MAPK3: variants seen among roughly 807,000 people sequenced by gnomAD.
The protein encoded by MAPK3 is MAPK 1.
MAPK3 carries 30 observed loss-of-function variants against 41.8 expected under a neutral mutation model. That is an observed-to-expected ratio of 0.72 (90% CI 0.54 to 0.97). The LOEUF (loss-of-function observed/expected upper bound fraction) is 0.97, where lower values mean the gene tolerates loss of function less well. Among genes scored for constraint, MAPK3 ranks in the 50% least tolerant of loss-of-function variants. The pLI is 0.00. For synonymous variants in MAPK3, 222 were observed against 213.4 expected, an observed-to-expected ratio of 1.04 and a Z score of -0.35; for missense variants, 413 against 509.9, an observed-to-expected ratio of 0.81 and a Z score of 1.83.
chr16:30,122,288 C>T (rs757610007), intron 1 of MAPK3: 7 of 494,620 alleles, frequency 1.4e-5, no homozygotes, highest in Non-Finnish European at 2.2e-5. Flanking sequence ...TGGCCCTGAA[C>T]CCTTCGCCCC....
At chr16:30,122,234 A>G (rs2073023874) in intron 1 of MAPK3, 2 of 582,832 alleles carry the variant, frequency 3.4e-6, no homozygotes, top group Non-Finnish European at 6.1e-6. Context: ...GAAGAGACTG[A>G]CCGCTCACTG....
Position 30,116,850 on chromosome 16 carries a change from T to G in MAPK3, c.1017+44A>C, listed in dbSNP as rs554122766. The G allele has an allele frequency of 5.0e-6, 8 of 1,613,286 alleles. No homozygotes were observed. The African/African-American group carries it at 9.3e-5, about 19-fold the overall frequency. ...CATGGGGGATGCCTACGTGCCCCCC[T>G]GCTCCCCTGCCCCCAGCCCCACTGC... On this transcript the variant is annotated intron_variant, in intron 7 of 8. Transcript: ENST00000263025.
In MAPK3 at chr16:30,116,932, G is replaced by A. The variant is rs766518304; in HGVS notation, c.979C>T (p.His327Tyr). 94 of 1,613,760 alleles carry A rather than the reference G, an allele frequency of 5.8e-5. No homozygotes were observed. Among genetic ancestry groups the A allele is most frequent in the Non-Finnish European group, 7.8e-5 (92 of 1,179,920 alleles). ...TCATAGTACTGCTCCAGGTAGGGGT[G>A]AGCCAGCGCTTCCTCCACTGTGATC... Reference protein sequence around the residue: ...KRITVEEALAHPYLEQYYDPT... With the variant: ...KRITVEEALAYPYLEQYYDPT... Residue 327 changes from histidine (H) to tyrosine (Y), a missense_variant, in exon 7 of 9, where the codon CAC (histidine) becomes TAC (tyrosine). His to Tyr is a moderately conservative substitution (Grantham distance 83). Coordinates refer to ENST00000263025, the MANE Select transcript of MAPK3 (RefSeq NM_002746.3).
chr16:30,118,556 G>A lies in MAPK3; in HGVS notation c.354-18C>T. 1.9e-6 allele frequency: 3 copies of A among 1,603,594 alleles called. No homozygotes were observed. The highest frequency in any genetic ancestry group is 1.3e-5 in the African/African-American group (1 of 74,790). On this transcript the variant is annotated intron_variant, in intron 2 of 8. Transcript: ENST00000263025. ...CAATGTAGCTGAGGATGGTTCCGCA[G>A]ACCCCCCCAGGCAGGGGGCAGTGGG...
chr16:30,120,808 C>T (rs2073008622), intron 2 of MAPK3, among the ~76,000 whole-genome samples: 1 of 151,506 alleles, frequency 6.6e-6, no homozygotes. Context: ...CTCAGCCTCC[C>T]AAGTAGCTGG....
Position 30,118,457 on chromosome 16 carries a change from G to T in MAPK3, c.435C>A (p.Tyr145Ter). 1 of 1,614,072 alleles carries T rather than the reference G, an allele frequency of 6.2e-7. No individual in the cohort carries two copies. The highest frequency in any genetic ancestry group is 8.5e-7 in the Non-Finnish European group (1 of 1,179,980). The change falls in exon 3 of 9, where the codon TAC becomes TAA. Residue 145 changes from tyrosine (Y) to a stop codon, truncating the protein, a stop_gained. Transcript: ENST00000263025. LOFTEE classifies it high-confidence loss of function. ...SQQLSNDHICYFLYQILRGLK... is the reference protein window; with the variant it reads ...SQQLSNDHIC ...GGCCCCGCAGGATCTGGTAGAGGAAGTAGCAGATATGGTCATTGCTCAGCT... is the reference window on the plus strand; with the variant it reads ...GGCCCCGCAGGATCTGGTAGAGGAATTAGCAGATATGGTCATTGCTCAGCT...
intron 3 of MAPK3, 79 bp downstream of exon 3, chr16:30,118,270 C>T (rs1450984929): frequency 1.3e-5 from 20 of 1,573,772 alleles, no homozygotes; most frequent in Non-Finnish European, 1.7e-5. Flanking sequence ...GCAATGTTCT[C>T]CTGCCCAAGG....
intron 2 of MAPK3, among the ~76,000 whole-genome samples, chr16:30,121,498 G>A (rs1409585422): frequency 5.3e-5 from 8 of 152,206 alleles, no homozygotes; most frequent in Admixed American, 5.2e-4. Flanking sequence ...AGAAGTGACT[G>A]TGGGCAGAGG....
intron 1 of MAPK3, chr16:30,122,772 C>T (rs1257256179): frequency 5.6e-6 from 2 of 355,570 alleles, no homozygotes; most frequent in Non-Finnish European, 1.0e-5. Context: ...CCCGCGGGCC[C>T]CCACATGCAC....
rs760710625 is a variant in MAPK3, at chr16:30,121,899, A to T, written c.278T>A (p.Leu93Gln). The T allele has an allele frequency of 6.2e-6, 10 of 1,614,190 alleles. No individual in the cohort carries two copies. The highest frequency in any genetic ancestry group is 6.8e-6 in the Non-Finnish European group (8 of 1,180,028). Reference sequence around the variant, plus strand: ...GATGACATTCTCATGGCGGAAGCGCAGCAGGATCTGGATCTCCCGGAGCGT... The same window carrying T: ...GATGACATTCTCATGGCGGAAGCGCTGCAGGATCTGGATCTCCCGGAGCGT... ...QRTLREIQIL[L>Q]RFRHENVIGI... Residue 93 changes from leucine to glutamine, a missense_variant, in exon 2 of 9, where the codon CTG (leucine) becomes CAG (glutamine). Transcript: ENST00000263025.
At position 30,123,188 on chromosome 16, in the gene MAPK3, C is replaced by T. The variant is rs1275164140; in HGVS notation, c.22G>A (p.Gly8Arg). MAAAAAQ[G>R]GGGGEPRRTE... ...CTACGGGGCTCCCCGCCCCCGCCCC[C>T]CTGAGCCGCCGCCGCCGCCATCTCC... The change falls in exon 1 of 9, where the codon GGG becomes AGG. Residue 8 changes from glycine (G) to arginine (R), a missense_variant. Gly to Arg is a moderately radical substitution (Grantham distance 125, BLOSUM62 -2). Coordinates refer to ENST00000263025, the MANE Select transcript of MAPK3 (RefSeq NM_002746.3). 4.5e-6 allele frequency: 6 copies of T among 1,319,054 alleles called. No individual in the cohort carries two copies. In the East Asian group the frequency reaches 9.2e-5, roughly 20 times the overall value. The allele number at this position is 1,319,054 out of a possible 1,614,324, so 81.7% of individuals were successfully genotyped here.
chr16:30,119,602 G>C (rs1203586602), intron 2 of MAPK3, among the ~76,000 whole-genome samples: 2 of 152,110 alleles, frequency 1.3e-5, no homozygotes, highest in African/African-American at 4.8e-5. Context: ...AGTTAAATGA[G>C]ATAATGTATG....
rs1472294951 is a variant in MAPK3, at chr16:30,116,992, G to T, written c.919C>A (p.Leu307Met). 1.9e-6 allele frequency: 3 copies of T among 1,605,368 alleles called. No individual in the cohort carries two copies. The highest frequency in any genetic ancestry group is 2.6e-6 in the Non-Finnish European group (3 of 1,175,002). ...GGGTTAAAGGTTAACATCCGGTCCA[G>T]CAGGTCAAGGGCTATGGAAGGGCAG... ...PKSDSKALDLLDRMLTFNPNK... is the reference protein window; with the variant it reads ...PKSDSKALDLMDRMLTFNPNK... Residue 307 changes from leucine (L) to methionine (M), a missense_variant, in exon 7 of 9, where the codon CTG becomes ATG. Around this residue, in one of 4 missense-constraint regions of MAPK3, gnomAD observed 123 missense variants for 147.8 expected, o/e 0.83. Coordinates refer to ENST00000263025, the MANE Select transcript of MAPK3 (RefSeq NM_002746.3).
chr16:30,117,889 G>A (rs2072974365), intron 4 of MAPK3, 105 bp from the exon 5 acceptor site: 2 of 1,099,670 alleles, frequency 1.8e-6, no homozygotes, highest in Admixed American at 1.9e-5. Flanking sequence ...CAGGCAGAAG[G>A]CAGAGGCCTG....
rs1031507615 is a variant in MAPK3, at chr16:30,123,171, C to G, written c.39G>C (p.Glu13Asp). The G allele has an allele frequency of 2.2e-6, 3 of 1,389,222 alleles. No homozygotes were observed. Among genetic ancestry groups the G allele is most frequent in the African/African-American group, 1.5e-5 (1 of 66,548 alleles). The allele number at this position is 1,389,222 out of a possible 1,614,324, so 86.1% of individuals were successfully genotyped here. A position where few individuals can be genotyped will look rare whatever the true frequency, so the allele number is the denominator to read the frequency against. Residue 13 changes from glutamate (E) to aspartate (D), a missense_variant, in exon 1 of 9, where the codon GAG (glutamate) becomes GAC (aspartate). Physicochemically the swap from Glu to Asp is conservative, Grantham distance 45. Around this residue, in one of 4 missense-constraint regions of MAPK3, gnomAD observed 145 missense variants for 133.0 expected, o/e 1.09. Transcript: ENST00000263025. ...GGCCGACCCCCTCGGTTCTACGGGGCTCCCCGCCCCCGCCCCCCTGAGCCG... is the reference window on the plus strand; with the variant it reads ...GGCCGACCCCCTCGGTTCTACGGGGGTCCCCGCCCCCGCCCCCCTGAGCCG... ...AAAAQGGGGGEPRRTEGVGPG... is the reference protein window; with the variant it reads ...AAAAQGGGGGDPRRTEGVGPG...
Position 30,121,850 on chromosome 16 carries a change from C to T in MAPK3, c.327G>A (p.Ala109=), listed in dbSNP as rs151100121. The change falls in exon 2 of 9, where the codon GCG becomes GCA. Residue 109 remains alanine (A), a synonymous_variant. Coordinates refer to ENST00000263025, the MANE Select transcript of MAPK3 (RefSeq NM_002746.3). ...CATCTCTCATGGCTTCCAGGGTGGACGCCCGCAGAATGTCTCGGATGCCGA... is the reference window on the plus strand; with the variant it reads ...CATCTCTCATGGCTTCCAGGGTGGATGCCCGCAGAATGTCTCGGATGCCGA... ...NVIGIRDILR[A]STLEAMRDVY... 6.2e-4 allele frequency: 1,006 copies of T among 1,613,928 alleles called. 1 individual carries two copies. The highest frequency in any genetic ancestry group is 8.0e-4 in the Non-Finnish European group (939 of 1,180,020).
chr16:30,117,372 G>C, intron 5 of MAPK3, 87 bp from the exon 6 acceptor site: 1 of 1,374,594 alleles, frequency 7.3e-7, no homozygotes, highest in Non-Finnish European at 1.0e-6. Context: ...AGACCCCCCA[G>C]CCCAGCAACC....
Position 30,116,903 on chromosome 16 carries a change from C to A in MAPK3, c.1008G>T (p.Pro336=). 1 of 1,613,920 alleles carries A rather than the reference C, an allele frequency of 6.2e-7. No homozygotes were observed. The highest frequency in any genetic ancestry group is 8.5e-7 in the Non-Finnish European group (1 of 1,179,940). ...AHPYLEQYYD[P]TDEPVAEEPF... is the part of the protein sequence containing the mutation. ...CTGGGGACTGGCCCACCTCATCCGT[C>A]GGGTCATAGTACTGCTCCAGGTAGG... Residue 336 remains proline, a synonymous_variant, in exon 7 of 9, where the codon CCG becomes CCT. Transcript: ENST00000263025.
In MAPK3 at chr16:30,118,509, T is replaced by A; in HGVS notation, c.383A>T (p.Asp128Val). Reference sequence around the variant, plus strand: ...CTGGCTTTTCAGCAACTTGTACAGGTCAGTCTCCATCAGGTCCTGCACAAT... The same window carrying A: ...CTGGCTTTTCAGCAACTTGTACAGGACAGTCTCCATCAGGTCCTGCACAAT... ...VYIVQDLMET[D>V]LYKLLKSQQL... The change falls in exon 3 of 9, where the codon GAC (aspartate) becomes GTC (valine). Residue 128 changes from aspartate (D) to valine (V), a missense_variant. By Grantham distance (152) the Asp-to-Val change is radical. Transcript: ENST00000263025. 1 of 1,613,658 alleles carries A rather than the reference T, an allele frequency of 6.2e-7. No homozygotes were observed.
Sources: gnomAD v4.1 joint callset for allele counts (sites outside exome capture counted in the v4.1 genomes callset) on GRCh38, gnomAD v4.1.1 for gene constraint, gnomAD v4.1.1 regional missense constraint, MANE v1.5 for transcripts, NCBI Gene and HGNC (gene_info 2026-07-23, HGNC 2026-07-21) for gene names.